The following TMEM132C variants were observed in gnomAD, a reference collection of about 807,000 sequenced individuals.
TMEM132C encodes the protein transmembrane protein 132C, also known as protein phosphatase 1, regulatory subunit 152.
In TMEM132C, 29 loss-of-function variants were observed where a neutral mutation model predicts 61.4. The ratio of observed to expected loss-of-function variants is 0.47; its 90% CI spans 0.35 to 0.64. The LOEUF (loss-of-function observed/expected upper bound fraction) is 0.64. TMEM132C is among the 30% of genes least tolerant of loss of function. The probability of loss-of-function intolerance (pLI) is 0.00; values close to 1 mark genes in which losing one functional copy is unlikely to be tolerated. For synonymous variants in TMEM132C, 656 were observed against 633.1 expected (o/e 1.04, Z -0.54); for missense variants, 1,408 against 1,476.9 (o/e 0.95, Z 0.76).
At chr12:128,635,012 T>C (rs1353277834) in intron 4 of TMEM132C, among the ~76,000 whole-genome samples, 1 of 152,204 alleles carries the variant, frequency 6.6e-6, no homozygotes, top group Non-Finnish European at 1.5e-5. Flanking sequence ...TTTTCATTCT[T>C]GTAAATGCTG....
At position 128,622,359 on chromosome 12, in the gene TMEM132C, AAATATATATATATATATATATATATAT is replaced by A. The variant is rs1323620074; in HGVS notation, c.1305+6026_1305+6052del. Among the ~76,000 whole-genome samples the A allele has an allele frequency of 2.8e-4, 16 of 56,402 alleles. 2 individuals are homozygous for A. The highest frequency in any genetic ancestry group is 1.6e-3 in the African/African-American group (14 of 8,538). 37.0% of individuals were successfully genotyped at this position (56,402 alleles called of 152,430 possible). A position where few individuals can be genotyped will look rare whatever the true frequency, so the allele number is the denominator to read the frequency against. ...ACTTTGTCTCAAAAAAAAAAAAAAA[AAATATATATATATATATATATATATAT>A]ATATATATATATATAACCAGGAAAC... On this transcript the variant is annotated intron_variant, in intron 4 of 8. Transcript: ENST00000435159.
chr12:128,335,050 A>G (rs1259193689), intron 1 of TMEM132C, among the ~76,000 whole-genome samples: 2 of 152,202 alleles, frequency 1.3e-5, no homozygotes, highest in East Asian at 1.9e-4. Context: ...TACATGTATC[A>G]TAGATTGCAA....
intron 2 of TMEM132C, among the ~76,000 whole-genome samples, chr12:128,498,074 A>G (rs1404463589): frequency 6.6e-6 from 1 of 152,144 alleles, no homozygotes; most frequent in African/African-American, 2.4e-5. Context: ...GGGTGGGCTC[A>G]TTAGGATCTA....
chr12:128,455,435 G>T (rs934942149), intron 2 of TMEM132C, among the ~76,000 whole-genome samples: 2 of 152,178 alleles, frequency 1.3e-5, no homozygotes, highest in Non-Finnish European at 2.9e-5. Flanking sequence ...ACCTACTGAA[G>T]CAGTATTGTG....
intron 3 of TMEM132C, among the ~76,000 whole-genome samples, chr12:128,571,418 C>A (rs998154221): frequency 2.0e-5 from 3 of 152,064 alleles, no homozygotes; most frequent in Admixed American, 2.0e-4. Flanking sequence ...TAAAATTGAC[C>A]ATTTTAACCA....
chr12:128,375,705 G>A (rs1874171614), intron 1 of TMEM132C, among the ~76,000 whole-genome samples: 1 of 152,196 alleles, frequency 6.6e-6, no homozygotes, highest in African/African-American at 2.4e-5. Context: ...CTTGGACACA[G>A]CTCTTTGAGG....
intron 2 of TMEM132C, among the ~76,000 whole-genome samples, chr12:128,523,857 A>T (rs1456884596): frequency 5.9e-5 from 9 of 151,716 alleles, no homozygotes; most frequent in East Asian, 3.9e-4. Context: ...ATAATAATAA[A>T]AAAAAATTAG....
At chr12:128,598,626 C>T (rs1281503765) in intron 3 of TMEM132C, among the ~76,000 whole-genome samples, 1 of 152,062 alleles carries the variant, frequency 6.6e-6, no homozygotes, top group African/African-American at 2.4e-5. Flanking sequence ...CTCCCAATGG[C>T]CCCTCTTCCT....
chr12:128,543,329 A>G (rs992730543), intron 2 of TMEM132C, among the ~76,000 whole-genome samples: 17 of 152,338 alleles, frequency 1.1e-4, no homozygotes, highest in East Asian at 3.9e-4. Context: ...GGGAGCTACT[A>G]TGATCCTGCT....
intron 3 of TMEM132C, among the ~76,000 whole-genome samples, chr12:128,604,206 AGATAT>A (rs1313829547): frequency 6.6e-6 from 1 of 152,170 alleles, no homozygotes; most frequent in Non-Finnish European, 1.5e-5. Context: ...ATGGATGGAT[AGATAT>A]GATAGGTTGA....
At chr12:128,453,173 G>T (rs1316159357) in intron 2 of TMEM132C, among the ~76,000 whole-genome samples, 2 of 152,176 alleles carry the variant, frequency 1.3e-5, no homozygotes, top group Non-Finnish European at 2.9e-5. Flanking sequence ...CCGTTTTCTA[G>T]TGCTGCATAG....
chr12:128,531,076 A>AGCAAACTTG (rs1873278651), intron 2 of TMEM132C, among the ~76,000 whole-genome samples: 1 of 152,060 alleles, frequency 6.6e-6, no homozygotes, highest in Admixed American at 6.5e-5. Flanking sequence ...GAGCAAACTT[A>AGCAAACTTG]CAGAAGCAAA....
intron 2 of TMEM132C, among the ~76,000 whole-genome samples, chr12:128,485,487 C>T (rs1871457334): frequency 6.6e-6 from 1 of 152,138 alleles, no homozygotes; most frequent in Non-Finnish European, 1.5e-5. Context: ...TCCCATTTAA[C>T]TCTTAAGTGG....
chr12:128,592,060 A>G (rs370179902), intron 3 of TMEM132C, among the ~76,000 whole-genome samples: 321 of 18,544 alleles, frequency 0.017, 2 homozygotes, highest in Middle Eastern at 0.083. Flanking sequence ...AAAAAAAAAG[A>G]AAAAAAAAAA....
At chr12:128,606,035 A>G (rs934967209) in intron 3 of TMEM132C, among the ~76,000 whole-genome samples, 13 of 152,342 alleles carry the variant, frequency 8.5e-5, no homozygotes, top group African/African-American at 2.9e-4. Context: ...CCATTGCAGC[A>G]CTGGGAAGCC....
At position 128,389,359 on chromosome 12, in the gene TMEM132C, G is replaced by C. The variant is rs1518378; in HGVS notation, c.86-25373G>C. 5.0e-3 allele frequency among the ~76,000 whole-genome samples: 757 copies of C among 152,292 alleles called. 9 individuals are homozygous for C. Among genetic ancestry groups the C allele is most frequent in the African/African-American group, 0.017 (717 of 41,554 alleles). On this transcript the variant is annotated intron_variant, in intron 1 of 8. Coordinates refer to ENST00000435159, the MANE Select transcript of TMEM132C (RefSeq NM_001136103.3). ...CCATGAAGACAGTGCAGTGGAGGTG[G>C]ATGGGGACAGACGGGGACAGATAGG...
intron 2 of TMEM132C, among the ~76,000 whole-genome samples, chr12:128,479,756 G>A (rs1041712568): frequency 2.6e-5 from 4 of 152,188 alleles, no homozygotes; most frequent in Non-Finnish European, 4.4e-5. Flanking sequence ...TTTGCAATGT[G>A]ACCTTAAGCA....
chr12:128,411,552 C>T (rs1868550885), intron 1 of TMEM132C, among the ~76,000 whole-genome samples: 2 of 152,130 alleles, frequency 1.3e-5, no homozygotes, highest in Non-Finnish European at 2.9e-5. Flanking sequence ...TCTGATCATT[C>T]TAAGGGCCCT....
chr12:128,270,420 C>G (rs1012907351), intron 1 of TMEM132C, among the ~76,000 whole-genome samples: 1 of 152,002 alleles, frequency 6.6e-6, no homozygotes, highest in Non-Finnish European at 1.5e-5. Flanking sequence ...TGAATCTTTA[C>G]CTAAAGAAGG....
Sources: allele counts gnomAD v4.1 joint callset (sites outside exome capture counted in the v4.1 genomes callset), GRCh38; gene constraint gnomAD v4.1.1; transcripts MANE v1.5; gene names NCBI Gene and HGNC (gene_info 2026-07-23, HGNC 2026-07-21).